Variants in ENPP3 observed in about 807,000 individuals in gnomAD.
The protein encoded by ENPP3 is ectonucleotide pyrophosphatase/phosphodiesterase 3.
ENPP3 carries 104 observed loss-of-function variants against 117.8 expected under a neutral mutation model. The ratio of observed to expected loss-of-function variants is 0.88; its 90% CI spans 0.75 to 1.04. ENPP3 has a LOEUF of 1.04. Ranked by LOEUF, ENPP3 falls within the 50% of genes least tolerant of loss-of-function variation. The pLI is 0.00. For synonymous variants in ENPP3, 380 were observed against 349.9 expected (o/e 1.09, Z -0.96); for missense variants, 1,026 against 1,051.9 (o/e 0.98, Z 0.34).
intron 6 of ENPP3, among the ~76,000 whole-genome samples, chr6:131,661,884 A>C (rs1778508573): frequency 6.6e-6 from 1 of 152,130 alleles, no homozygotes; most frequent in African/African-American, 2.4e-5. Context: ...TTTTCTGTGC[A>C]GAAACTTTTT....
chr6:131,732,475 C>T (rs898984000), intron 20 of ENPP3, among the ~76,000 whole-genome samples: 4 of 152,010 alleles, frequency 2.6e-5, no homozygotes, highest in East Asian at 3.9e-4. Context: ...TGCAGTGGCA[C>T]GATCTCAGCT....
At chr6:131,638,635 A>G in intron 1 of ENPP3, 1 of 320,984 alleles carries the variant, frequency 3.1e-6, no homozygotes, top group South Asian at 2.6e-5. Flanking sequence ...CATGTTGCCC[A>G]GGCTGGTCTC....
chr6:131,656,994 C>G (rs1486490223), intron 5 of ENPP3, among the ~76,000 whole-genome samples: 1 of 152,052 alleles, frequency 6.6e-6, no homozygotes, highest in Non-Finnish European at 1.5e-5. Flanking sequence ...TCTTTAATCT[C>G]TTCCAAGTTA....
intron 6 of ENPP3, 123 bp from the exon 7 acceptor site, chr6:131,671,125 A>G (rs1162930970): frequency 1.0e-5 from 7 of 669,786 alleles, no homozygotes; most frequent in African/African-American, 3.7e-5. Flanking sequence ...ACCTCTTTCC[A>G]TCTTTAATCC....
chr6:131,691,511 C>T (rs571163975), intron 14 of ENPP3, among the ~76,000 whole-genome samples: 3 of 151,366 alleles, frequency 2.0e-5, no homozygotes, highest in Non-Finnish European at 4.4e-5. Flanking sequence ...ATTGCTTGAA[C>T]CCAGGAAGCA....
intron 7 of ENPP3, among the ~76,000 whole-genome samples, chr6:131,673,759 G>A (rs985962830): frequency 5.3e-5 from 8 of 152,012 alleles, no homozygotes; most frequent in South Asian, 4.2e-4. Context: ...AAAAAATTGC[G>A]TCTGTACTGA....
At chr6:131,672,742 C>G (rs1778772597) in intron 7 of ENPP3, among the ~76,000 whole-genome samples, 1 of 151,050 alleles carries the variant, frequency 6.6e-6, no homozygotes, top group Admixed American at 6.6e-5. Context: ...AATTAATTTA[C>G]TATTTATATA....
At chr6:131,679,527 T>C (rs1167079196) in intron 11 of ENPP3, among the ~76,000 whole-genome samples, 1 of 151,636 alleles carries the variant, frequency 6.6e-6, no homozygotes, top group Non-Finnish European at 1.5e-5. Context: ...TTTTTTTTTT[T>C]TCCATTCAGT....
intron 15 of ENPP3, among the ~76,000 whole-genome samples, chr6:131,703,591 T>C (rs1186320141): frequency 2.2e-5 from 3 of 136,176 alleles, no homozygotes; most frequent in Non-Finnish European, 4.5e-5. Context: ...CCTTAAATTA[T>C]ATTTGAGCAG....
chr6:131,700,627 C>G (rs1183409482), intron 15 of ENPP3: 4 of 1,556,210 alleles, frequency 2.6e-6, no homozygotes, highest in Middle Eastern at 1.8e-4. Context: ...CTGGGTCCAA[C>G]ATACATGATA....
At chr6:131,723,226 G>A (rs1401016236) in intron 18 of ENPP3, among the ~76,000 whole-genome samples, 1 of 152,080 alleles carries the variant, frequency 6.6e-6, no homozygotes, top group Non-Finnish European at 1.5e-5. Flanking sequence ...GTCAGAAGTA[G>A]GTGAAGACAT....
chr6:131,653,518 T>G (rs1212803688), intron 5 of ENPP3, among the ~76,000 whole-genome samples: 1 of 152,178 alleles, frequency 6.6e-6, no homozygotes, highest in East Asian at 1.9e-4. Flanking sequence ...TGGTCAGGAT[T>G]GAAACTTAGC....
intron 24 of ENPP3, among the ~76,000 whole-genome samples, chr6:131,744,120 G>T (rs1780584384): frequency 6.6e-6 from 1 of 152,200 alleles, no homozygotes; most frequent in Non-Finnish European, 1.5e-5. Flanking sequence ...CTGAGATCAA[G>T]CTATAGGAAT....
At chr6:131,654,803 T>A (rs539682814) in intron 5 of ENPP3, among the ~76,000 whole-genome samples, 112 of 152,332 alleles carry the variant, frequency 7.4e-4, no homozygotes, top group African/African-American at 2.5e-3. Context: ...ATAATGTGCC[T>A]GTTTTTTTCC....
intron 15 of ENPP3, among the ~76,000 whole-genome samples, chr6:131,695,342 G>A (rs770010357): frequency 1.3e-5 from 2 of 152,092 alleles, no homozygotes; most frequent in Non-Finnish European, 2.9e-5. Flanking sequence ...ATACCTCTGG[G>A]TATCATGTAT....
intron 24 of ENPP3, among the ~76,000 whole-genome samples, chr6:131,744,703 C>T (rs545668559): frequency 1.1e-4 from 17 of 151,666 alleles, no homozygotes; most frequent in East Asian, 5.8e-4. Context: ...AGAATAAGAA[C>T]GTGGATAGGG....
rs404179 is a variant in ENPP3, at chr6:131,718,748, T to G, written c.1479+10T>G. The G allele has an allele frequency of 1.5e-5, 23 of 1,572,980 alleles. No individual in the cohort carries two copies. The highest frequency in any genetic ancestry group is 2.0e-5 in the Non-Finnish European group (23 of 1,152,416). ...GTTTAGGAGCATGGAGGTAACTTAC[T>G]GCTTTTTTTTTTAACTTTTATTTTA... On this transcript the variant is annotated intron_variant, in intron 16 of 24. Transcript: ENST00000357639.
chr6:131,687,012 T>C (rs573502730), intron 14 of ENPP3, among the ~76,000 whole-genome samples: 1 of 152,322 alleles, frequency 6.6e-6, no homozygotes, highest in South Asian at 2.1e-4. Flanking sequence ...TGTTTTATTT[T>C]GGTGGAGGGG....
chr6:131,723,827 TCACACACACA>T (rs1554268188), intron 18 of ENPP3, among the ~76,000 whole-genome samples: 1 of 145,848 alleles, frequency 6.9e-6, no homozygotes, highest in African/African-American at 2.6e-5. Flanking sequence ...TCTCTCTCTC[TCACACACACA>T]CACACACACA....
Sources: allele counts gnomAD v4.1 joint callset (sites outside exome capture counted in the v4.1 genomes callset), GRCh38; gene constraint gnomAD v4.1.1; transcripts MANE v1.5; gene names NCBI Gene and HGNC (gene_info 2026-07-23, HGNC 2026-07-21).